UBE2E2: variants seen among roughly 807,000 people sequenced by gnomAD.
The protein encoded by UBE2E2 is ubiquitin-conjugating enzyme E2 E2.
Under a neutral mutation model 24.7 loss-of-function variants are expected in UBE2E2, and 6 were observed. The ratio of observed to expected loss-of-function variants is 0.24; its 90% CI spans 0.13 to 0.48. The LOEUF is 0.48. UBE2E2 is among the 20% of genes least tolerant of loss of function. The pLI is 0.99. For synonymous variants in UBE2E2, 104 were observed against 83.6 expected (o/e 1.24, Z -1.33); for missense variants, 169 against 245.0 (o/e 0.69, Z 2.07).
intron 3 of UBE2E2, among the ~76,000 whole-genome samples, chr3:23,237,521 A>G (rs1358517275): frequency 1.3e-5 from 2 of 152,144 alleles, no homozygotes; most frequent in Non-Finnish European, 2.9e-5. Context: ...TGGTATTAGT[A>G]AAAGGAAGAT....
chr3:23,226,124 C>T (rs1421773769), intron 3 of UBE2E2, among the ~76,000 whole-genome samples: 1 of 152,146 alleles, frequency 6.6e-6, no homozygotes, highest in South Asian at 2.1e-4. Context: ...AGTGATCTGC[C>T]CTCCTTGGCC....
intron 3 of UBE2E2, among the ~76,000 whole-genome samples, chr3:23,299,001 C>T (rs1698996289): frequency 6.6e-6 from 1 of 152,164 alleles, no homozygotes; most frequent in Non-Finnish European, 1.5e-5. Context: ...TCAACTTCTT[C>T]CTGGTTTAGT....
At chr3:23,223,354 G>T (rs1349437361) in intron 3 of UBE2E2, among the ~76,000 whole-genome samples, 1 of 151,886 alleles carries the variant, frequency 6.6e-6, no homozygotes, top group Non-Finnish European at 1.5e-5. Flanking sequence ...CACCACACTT[G>T]GCTAATTTTT....
chr3:23,342,507 A>G (rs527488113), intron 3 of UBE2E2, among the ~76,000 whole-genome samples: 1 of 152,290 alleles, frequency 6.6e-6, no homozygotes, highest in South Asian at 2.1e-4. Context: ...TTTAGTCTCT[A>G]TGAGATTGTG....
chr3:23,482,449 A>C (rs1206578184), intron 3 of UBE2E2, among the ~76,000 whole-genome samples: 1 of 152,074 alleles, frequency 6.6e-6, no homozygotes, highest in Non-Finnish European at 1.5e-5. Context: ...CACCTCCACC[A>C]AGAGCCTTCA....
intron 3 of UBE2E2, among the ~76,000 whole-genome samples, chr3:23,250,851 C>G (rs915314753): frequency 5.3e-5 from 8 of 152,148 alleles, no homozygotes; most frequent in African/African-American, 1.9e-4. Context: ...TCTCAGTCCT[C>G]TGTGGCAGGA....
chr3:23,551,879 A>G (rs1055472892), intron 5 of UBE2E2, among the ~76,000 whole-genome samples: 3 of 152,184 alleles, frequency 2.0e-5, no homozygotes, highest in Non-Finnish European at 4.4e-5. Flanking sequence ...TAATGTGACT[A>G]TATTTGGAGA....
At chr3:23,323,456 C>G (rs1037700222) in intron 3 of UBE2E2, 5 of 411,650 alleles carry the variant, frequency 1.2e-5, no homozygotes, top group Non-Finnish European at 2.4e-5. Context: ...GTAAGTAATA[C>G]GGGGTGAGCA....
At chr3:23,267,254 A>T (rs1434219529) in intron 3 of UBE2E2, among the ~76,000 whole-genome samples, 1 of 150,884 alleles carries the variant, frequency 6.6e-6, no homozygotes, top group Non-Finnish European at 1.5e-5. Context: ...CAAAAAATAA[A>T]TGAATCCAGG....
chr3:23,237,951 G>A (rs1392155381), intron 3 of UBE2E2, among the ~76,000 whole-genome samples: 4 of 151,852 alleles, frequency 2.6e-5, no homozygotes, highest in Admixed American at 6.6e-5. Flanking sequence ...TTTTTTTAGT[G>A]TTTTCCGCTT....
chr3:23,296,187 A>C (rs995225251), intron 3 of UBE2E2, among the ~76,000 whole-genome samples: 1 of 152,142 alleles, frequency 6.6e-6, no homozygotes, highest in Admixed American at 6.6e-5. Flanking sequence ...GGAGCTTTCC[A>C]TTCTAAAACT....
In UBE2E2 at chr3:23,589,629, C is replaced by A. The variant is rs938407836; in HGVS notation, c.509-105C>A. 1 of 1,156,496 alleles carries A rather than the reference C, an allele frequency of 8.6e-7. No individual in the cohort carries two copies. Among genetic ancestry groups the A allele is most frequent in the Non-Finnish European group, 1.3e-6 (1 of 791,398 alleles). The allele number at this position is 1,156,496 out of a possible 1,614,324, so 71.6% of individuals were successfully genotyped here. A position where few individuals can be genotyped will look rare whatever the true frequency, so the allele number is the denominator to read the frequency against. ...GCAGCAATGGTGGTCCAGGTTAGAA[C>A]AGCAGCTTCTCATCTCCTACCCTCC... On this transcript the variant is annotated intron_variant, in intron 5 of 5. Coordinates refer to ENST00000396703, the MANE Select transcript of UBE2E2 (RefSeq NM_152653.4). This position sits in a 1 kb window ranked among gnomAD's most constrained non-coding sequence, Gnocchi z 4.1.
At chr3:23,240,319 G>C (rs1290544408) in intron 3 of UBE2E2, among the ~76,000 whole-genome samples, 3 of 152,102 alleles carry the variant, frequency 2.0e-5, no homozygotes, top group African/African-American at 7.2e-5. Flanking sequence ...CTGTTCTGGA[G>C]CTATACTAGT....
intron 3 of UBE2E2, among the ~76,000 whole-genome samples, chr3:23,484,614 A>G (rs1699322184): frequency 6.6e-6 from 1 of 152,170 alleles, no homozygotes; most frequent in Non-Finnish European, 1.5e-5. Flanking sequence ...CAAGATGTGT[A>G]TTACTCCATT....
At chr3:23,214,816 T>A (rs1183502291) in intron 2 of UBE2E2, among the ~76,000 whole-genome samples, 1 of 152,060 alleles carries the variant, frequency 6.6e-6, no homozygotes, top group Non-Finnish European at 1.5e-5. Context: ...ACAGTTTTTT[T>A]ATCCACCCCC....
At chr3:23,395,745 T>C (rs904363313) in intron 3 of UBE2E2, among the ~76,000 whole-genome samples, 8 of 152,196 alleles carry the variant, frequency 5.3e-5, no homozygotes, top group Admixed American at 3.3e-4. Context: ...ACTGCAAAAC[T>C]AGGAAGGAGA....
intron 3 of UBE2E2, among the ~76,000 whole-genome samples, chr3:23,410,086 A>G (rs1697463630): frequency 6.6e-6 from 1 of 152,196 alleles, no homozygotes; most frequent in Non-Finnish European, 1.5e-5. Flanking sequence ...GACACAGTTC[A>G]ACCCAGTATA....
At chr3:23,506,470 C>T (rs561667473) in intron 4 of UBE2E2, among the ~76,000 whole-genome samples, 2 of 152,294 alleles carry the variant, frequency 1.3e-5, no homozygotes, top group South Asian at 4.1e-4. Flanking sequence ...GCTAGCCAGA[C>T]CCAGTCCCAC....
intron 4 of UBE2E2, among the ~76,000 whole-genome samples, chr3:23,501,739 A>C (rs947265309): frequency 1.1e-4 from 16 of 152,290 alleles, no homozygotes; most frequent in African/African-American, 3.8e-4. Context: ...TCTCTGAGGG[A>C]AATCTGACCC....
Sources: gnomAD v4.1 joint callset for allele counts (sites outside exome capture counted in the v4.1 genomes callset) on GRCh38, gnomAD v4.1.1 for gene constraint, Gnocchi (gnomAD v3.1) non-coding constraint, MANE v1.5 for transcripts, NCBI Gene and HGNC (gene_info 2026-07-23, HGNC 2026-07-21) for gene names.